The following CRYBA4 variants were observed in gnomAD, a reference collection of about 807,000 sequenced individuals.
CRYBA4 encodes crystallin beta A4, also known as beta-crystallin A4.
In CRYBA4, 30 loss-of-function variants were observed where a neutral mutation model predicts 31.7. The ratio of observed to expected loss-of-function variants is 0.95; its 90% CI spans 0.71 to 1.28. CRYBA4 has a LOEUF of 1.28. Ranked by LOEUF, CRYBA4 falls within the 50% of genes most tolerant of loss-of-function variation. CRYBA4 has a pLI of 0.00. For missense variants in CRYBA4, 225 were observed against 260.7 expected (o/e 0.86, Z 0.94); for synonymous variants, 102 against 102.3 (o/e 1.00, Z 0.02).
chr22:26,628,261 G>A, intron 4 of CRYBA4, 27 bp from the exon 5 acceptor site: 1 of 1,613,806 alleles, frequency 6.2e-7, no homozygotes, highest in Non-Finnish European at 8.5e-7. Context: ...GAGCCTGCTG[G>A]TCTGACTGTG....
chr22:26,625,565 C>G lies in CRYBA4; in HGVS notation c.243C>G (p.Gly81=), dbSNP rs745630849. 5 of 1,613,906 alleles carry G rather than the reference C, an allele frequency of 3.1e-6. No individual in the cohort carries two copies. The highest frequency in any genetic ancestry group is 4.2e-6 in the Non-Finnish European group (5 of 1,179,964). Residue 81 remains glycine (G), a synonymous_variant, in exon 4 of 6, where the codon GGC becomes GGG. Transcript: ENST00000354760. The part of the protein sequence containing the change: ...RGEYPSWDAW[G]GNTAYPAERL... ...AATATCCAAGCTGGGATGCCTGGGG[C>G]GGCAACACGGCCTACCCCGCCGAGA...
At chr22:26,624,748 C>T (rs1331148160) in intron 3 of CRYBA4, among the ~76,000 whole-genome samples, 1 of 152,224 alleles carries the variant, frequency 6.6e-6, no homozygotes, top group Non-Finnish European at 1.5e-5. Context: ...GTGCAGCCTC[C>T]TGTGTCCCTT....
upstream of CRYBA4, among the ~76,000 whole-genome samples, chr22:26,618,561 T>G (rs1929437697): frequency 6.6e-6 from 1 of 152,230 alleles, no homozygotes; most frequent in African/African-American, 2.4e-5. Flanking sequence ...GAGTGCTTAC[T>G]GTGTGCCGAA....
chr22:26,594,667 G>A, the CRYBA4 span, among the ~76,000 whole-genome samples: 1 of 152,106 alleles, frequency 6.6e-6, no homozygotes, highest in African/African-American at 2.4e-5. Context: ...CTCCAGCCTG[G>A]GCGATAGAGT....
chr22:26,608,281 T>C, the CRYBA4 span, among the ~76,000 whole-genome samples: 1 of 152,210 alleles, frequency 6.6e-6, no homozygotes, highest in Non-Finnish European at 1.5e-5. Context: ...TGGTGAAGGA[T>C]TAAGTGAGAT....
chr22:26,591,890 T>TACACACACACACACACACACACAC, the CRYBA4 span, among the ~76,000 whole-genome samples: 2 of 135,846 alleles, frequency 1.5e-5, no homozygotes, highest in African/African-American at 5.7e-5. Flanking sequence ...CCTGGGTGAG[T>TACACACACACACACACACACACAC]ACACACACAC....
the CRYBA4 span, among the ~76,000 whole-genome samples, chr22:26,597,479 C>G: frequency 6.6e-6 from 1 of 152,226 alleles, no homozygotes; most frequent in Middle Eastern, 3.4e-3. Context: ...CACAAAGGTG[C>G]CATATGGGGT....
the CRYBA4 span, among the ~76,000 whole-genome samples, chr22:26,609,694 G>T: frequency 2.6e-5 from 4 of 152,184 alleles, no homozygotes; most frequent in African/African-American, 9.7e-5. Flanking sequence ...TGAATAAATG[G>T]GTGGATAGAC....
chr22:26,601,943 C>A, the CRYBA4 span: 1 of 1,613,242 alleles, frequency 6.2e-7, no homozygotes, highest in Non-Finnish European at 8.5e-7. Context: ...AGACTGGGTG[C>A]GTCGTCCCCC....
chr22:26,605,671 CAAA>C, the CRYBA4 span, among the ~76,000 whole-genome samples: 1 of 54,198 alleles, frequency 1.8e-5, no homozygotes, highest in African/African-American at 6.9e-5. Context: ...AGATGTGTCT[CAAA>C]AAAAAAAAAA....
chr22:26,624,204 T>G (rs1368774570), intron 3 of CRYBA4, among the ~76,000 whole-genome samples: 1 of 146,580 alleles, frequency 6.8e-6, no homozygotes, highest in African/African-American at 2.6e-5. Context: ...TGGATAGAAG[T>G]TTCTAGAAGG....
At chr22:26,620,556 CTTTTTTTTTTTTTTT>C (rs60318967), upstream of CRYBA4, among the ~76,000 whole-genome samples, 4 of 88,494 alleles carry the variant, frequency 4.5e-5, no homozygotes, top group Admixed American at 1.5e-4. Flanking sequence ...TCATGCATTC[CTTTTTTTTTTTTTTT>C]TTTTTTTTTT....
chr22:26,627,371 T>A (rs1383060508), intron 4 of CRYBA4, among the ~76,000 whole-genome samples: 1 of 31,726 alleles, frequency 3.2e-5, no homozygotes, highest in African/African-American at 2.0e-4. Flanking sequence ...TTTCTTTCTT[T>A]CTTTCTTTCT....
At chr22:26,624,843 C>T (rs764317817) in intron 3 of CRYBA4, among the ~76,000 whole-genome samples, 19 of 152,234 alleles carry the variant, frequency 1.2e-4, no homozygotes, top group Non-Finnish European at 2.8e-4. Flanking sequence ...GAGCTGCTTC[C>T]ATGCTTCAAC....
intron 2 of CRYBA4, 147 bp downstream of exon 2, chr22:26,622,782 C>T (rs961079671): frequency 2.9e-6 from 2 of 700,090 alleles, no homozygotes; most frequent in Non-Finnish European, 2.6e-6. Flanking sequence ...ATGTCACATA[C>T]AGGGAGGTTG....
At chr22:26,598,162 C>T in the CRYBA4 span, among the ~76,000 whole-genome samples, 3 of 152,134 alleles carry the variant, frequency 2.0e-5, no homozygotes, top group South Asian at 2.1e-4. Context: ...GGATTACAGG[C>T]GTGAGCCACC....
the CRYBA4 span, among the ~76,000 whole-genome samples, chr22:26,614,343 G>A: frequency 6.6e-6 from 1 of 152,212 alleles, no homozygotes; most frequent in South Asian, 2.1e-4. Context: ...TGTCTCCCCC[G>A]GACGCCCAGC....
At chr22:26,600,040 G>A in the CRYBA4 span, among the ~76,000 whole-genome samples, 18 of 152,296 alleles carry the variant, frequency 1.2e-4, no homozygotes, top group African/African-American at 4.3e-4. Flanking sequence ...ATCCAAGGAA[G>A]CAAGAATAGG....
chr22:26,620,555 C>T (rs1317883051), upstream of CRYBA4, among the ~76,000 whole-genome samples: 1 of 129,810 alleles, frequency 7.7e-6, no homozygotes, highest in Admixed American at 9.3e-5. Flanking sequence ...GTCATGCATT[C>T]CTTTTTTTTT....
Sources: allele counts gnomAD v4.1 joint callset (sites outside exome capture counted in the v4.1 genomes callset), GRCh38; gene constraint gnomAD v4.1.1; transcripts MANE v1.5; gene names NCBI Gene and HGNC (gene_info 2026-07-23, HGNC 2026-07-21).